The following BCL2A1 variants were observed in gnomAD, a reference collection of about 807,000 sequenced individuals.
BCL2A1 encodes the protein bcl-2-related protein A1.
Under a neutral mutation model 14.4 loss-of-function variants are expected in BCL2A1, and 10 were observed. The observed-to-expected ratio is 0.69, with a 90% CI of 0.43 to 1.18. The LOEUF (loss-of-function observed/expected upper bound fraction) is 1.18. BCL2A1 is among the 50% of genes most tolerant of loss of function. The pLI, the probability that BCL2A1 is intolerant of heterozygous loss-of-function variation, is 0.00. For synonymous variants in BCL2A1, 71 were observed against 76.5 expected, an observed-to-expected ratio of 0.93 and a Z score of 0.38; for missense variants, 158 against 205.0, an observed-to-expected ratio of 0.77 and a Z score of 1.40.
Position 79,960,955 on chromosome 15 carries a change from C to A in BCL2A1, c.*112G>T. 6.6e-7 allele frequency: 1 copy of A among 1,524,738 alleles called. No homozygotes were observed. The highest frequency in any genetic ancestry group is 1.2e-5 in the South Asian group (1 of 85,718). The allele number at this position is 1,524,738 out of a possible 1,614,324, so 94.5% of individuals were successfully genotyped here. ...CAAAATTTCCATAACTCTGGAAGGT[C>A]AAGTTACATCATCAAAGTTGTTTAT... is the stretch of plus-strand genomic sequence containing the variant. On this transcript the variant is annotated 3_prime_UTR_variant, in exon 2 of 2. Transcript: ENST00000267953.
chr15:79,963,914 T>G (rs17215263), intron 1 of BCL2A1, among the ~76,000 whole-genome samples: 36,679 of 152,128 alleles, frequency 0.24, 5,256 homozygotes, highest in Admixed American at 0.33. Flanking sequence ...ATGCCTAATG[T>G]TAACATGAAA....
chr15:79,965,328 T>C (rs547018684), intron 1 of BCL2A1, among the ~76,000 whole-genome samples: 233 of 152,010 alleles, frequency 1.5e-3, no homozygotes, highest in African/African-American at 5.4e-3. Flanking sequence ...GGGGTTTCAC[T>C]GTGTTAGCCA....
Position 79,971,018 on chromosome 15 carries a change from G to A in BCL2A1, c.102C>T (p.Ser34=), listed in dbSNP as rs1365139387. 1.2e-6 allele frequency: 2 copies of A among 1,614,054 alleles called. No individual in the cohort carries two copies. Among genetic ancestry groups the A allele is most frequent in the African/African-American group, 2.7e-5 (2 of 74,926 alleles). ...AGAACGCAACATTTTGTAGCACTCT[G>A]GACGTTTTGCTTGGACCTGATCCAG... ...PQPGSGPSKT[S]RVLQNVAFSV... is the part of the protein sequence containing the mutation. The change falls in exon 1 of 2, where the codon TCC becomes TCT. Residue 34 remains serine, a synonymous_variant. Transcript: ENST00000267953.
At chr15:79,963,292 A>T (rs930731952) in intron 1 of BCL2A1, among the ~76,000 whole-genome samples, 1 of 152,118 alleles carries the variant, frequency 6.6e-6, no homozygotes, top group Non-Finnish European at 1.5e-5. Context: ...CTAGCCTAAA[A>T]TTTTTTTAAA....
At chr15:79,969,971 T>G (rs1277371852) in intron 1 of BCL2A1, among the ~76,000 whole-genome samples, 1 of 152,158 alleles carries the variant, frequency 6.6e-6, no homozygotes, top group Non-Finnish European at 1.5e-5. Context: ...GTCAGGCTTT[T>G]TACCAACATG....
Position 79,961,005 on chromosome 15 carries a change from A to C in BCL2A1, c.*62T>G. ...TTTAAAAGTAGAAGTATGTGTTGGC[A>C]ATCGTTTCCATATCAGTCAGAAAAA... On this transcript the variant is annotated 3_prime_UTR_variant, in exon 2 of 2. Transcript: ENST00000267953. The C allele has an allele frequency of 6.2e-7, 1 of 1,601,748 alleles. No individual in the cohort carries two copies. The highest frequency in any genetic ancestry group is 8.5e-7 in the Non-Finnish European group (1 of 1,170,696).
chr15:79,962,708 C>A (rs527327347), intron 1 of BCL2A1, among the ~76,000 whole-genome samples: 1 of 151,696 alleles, frequency 6.6e-6, no homozygotes, highest in African/African-American at 2.4e-5. Flanking sequence ...CCACCATGCC[C>A]GGCTAATTTT....
chr15:79,964,953 G>C (rs1206993892), intron 1 of BCL2A1, among the ~76,000 whole-genome samples: 9 of 152,148 alleles, frequency 5.9e-5, no homozygotes, highest in Non-Finnish European at 1.2e-4. Flanking sequence ...TATCCAAGGA[G>C]GCTGGAGCTA....
intron 1 of BCL2A1, chr15:79,967,647 G>A: frequency 6.3e-7 from 1 of 1,596,740 alleles, no homozygotes; most frequent in Non-Finnish European, 8.6e-7. Context: ...CTCTTCTTGT[G>A]GGCCACTGAC....
chr15:79,967,608 A>G (rs1239858221), intron 1 of BCL2A1: 3 of 1,583,304 alleles, frequency 1.9e-6, no homozygotes, highest in Non-Finnish European at 2.6e-6. Flanking sequence ...ACATCTTGAT[A>G]AAGCTGTAAG....
chr15:79,970,555 A>G (rs763736461), intron 1 of BCL2A1, 145 bp downstream of exon 1: 4 of 842,958 alleles, frequency 4.7e-6, no homozygotes. Flanking sequence ...CAGAAAGTAT[A>G]TTTTTATTTT....
intron 1 of BCL2A1, among the ~76,000 whole-genome samples, chr15:79,968,065 A>G (rs2035560477): frequency 6.6e-6 from 1 of 152,186 alleles, no homozygotes; most frequent in Non-Finnish European, 1.5e-5. Flanking sequence ...CCCTTGAAAG[A>G]TGAGGGTACT....
chr15:79,963,935 A>C (rs1269742699), intron 1 of BCL2A1, among the ~76,000 whole-genome samples: 1 of 152,244 alleles, frequency 6.6e-6, no homozygotes, highest in Non-Finnish European at 1.5e-5. Flanking sequence ...TATGTGAGAC[A>C]GTGTTGAAAA....
intron 1 of BCL2A1, among the ~76,000 whole-genome samples, chr15:79,962,471 G>A (rs937786904): frequency 6.6e-6 from 1 of 152,018 alleles, no homozygotes; most frequent in Non-Finnish European, 1.5e-5. Flanking sequence ...ACTCTCAAGA[G>A]GTATCCACTT....
At position 79,970,886 on chromosome 15, in the gene BCL2A1, C is replaced by T. The variant is rs1484802675; in HGVS notation, c.234G>A (p.Glu78=). The change falls in exon 1 of 2, where the codon GAG becomes GAA. Residue 78 remains glutamate (E), a synonymous_variant. Transcript: ENST00000267953. ...RTLFNQVMEK[E]FEDGIINWGR... is the part of the protein sequence containing the mutation. ...CCCAGTTAATGATGCCGTCTTCAAA[C>T]TCCTTTTCCATCACTTGGTTGAATA... The T allele has an allele frequency of 6.2e-7, 1 of 1,614,256 alleles. No homozygotes were observed. Among genetic ancestry groups the T allele is most frequent in the Non-Finnish European group, 8.5e-7 (1 of 1,180,034 alleles).
chr15:79,970,417 G>A (rs2035582227), intron 1 of BCL2A1, among the ~76,000 whole-genome samples: 1 of 152,164 alleles, frequency 6.6e-6, no homozygotes, highest in Non-Finnish European at 1.5e-5. Context: ...TTGTGAAGCT[G>A]CATGAGAGAG....
intron 1 of BCL2A1, among the ~76,000 whole-genome samples, chr15:79,963,622 ATACTTT>A (rs749874228): frequency 6.4e-4 from 97 of 152,186 alleles, no homozygotes; most frequent in Non-Finnish European, 1.2e-3. Context: ...CATTGATATA[ATACTTT>A]TGGAAAGAAA....
chr15:79,966,817 AGCAGGAAG>A (rs147934515), intron 1 of BCL2A1, among the ~76,000 whole-genome samples: 30,402 of 145,400 alleles, frequency 0.21, 3,191 homozygotes, highest in South Asian at 0.33. Context: ...AAGGCAGGAA[AGCAGGAAG>A]GCAGGAAGGC....
chr15:79,968,992 C>T (rs1567024559), intron 1 of BCL2A1, among the ~76,000 whole-genome samples: 1 of 151,866 alleles, frequency 6.6e-6, no homozygotes, highest in Non-Finnish European at 1.5e-5. Context: ...AGAATTCCTA[C>T]AAATCAATAA....
Sources: allele counts gnomAD v4.1 joint callset (sites outside exome capture counted in the v4.1 genomes callset), GRCh38; gene constraint gnomAD v4.1.1; transcripts MANE v1.5; gene names NCBI Gene and HGNC (gene_info 2026-07-23, HGNC 2026-07-21).